The following PRKCH variants were observed in gnomAD, a reference collection of about 807,000 sequenced individuals.
The protein encoded by PRKCH is protein kinase C eta type.
A neutral mutation model predicts 82.5 loss-of-function variants in PRKCH; 28 were observed. The observed-to-expected ratio is 0.34, with a 90% confidence interval of 0.25 to 0.47. PRKCH has a LOEUF of 0.47. Among genes scored for constraint, PRKCH ranks in the 20% least tolerant of loss-of-function variants. The probability of loss-of-function intolerance (pLI) is 1.00; values close to 1 mark genes in which losing one functional copy is unlikely to be tolerated. For synonymous variants in PRKCH, 322 were observed against 327.4 expected (o/e 0.98, Z 0.18); for missense variants, 705 against 881.8 (o/e 0.80, Z 2.54).
chr14:61,237,957 A>G (rs1468500877), intron 1 of PRKCH, among the ~76,000 whole-genome samples: 1 of 152,250 alleles, frequency 6.6e-6, no homozygotes, highest in Non-Finnish European at 1.5e-5. Context: ...TATTGGTTAC[A>G]GCTTGGCACT....
intron 1 of PRKCH, among the ~76,000 whole-genome samples, chr14:61,220,128 T>C (rs1594858416): frequency 6.6e-6 from 1 of 152,192 alleles, no homozygotes; most frequent in South Asian, 2.1e-4. Flanking sequence ...CCATCCCTGC[T>C]TTCTCCCAAA....
intron 1 of PRKCH, among the ~76,000 whole-genome samples, chr14:61,202,368 A>G (rs1236299555): frequency 6.6e-6 from 1 of 152,196 alleles, no homozygotes; most frequent in Non-Finnish European, 1.5e-5. Context: ...AGGGCACAAA[A>G]AGCCTCAAGG....
intron 2 of PRKCH, among the ~76,000 whole-genome samples, chr14:61,416,938 T>G (rs1458746440): frequency 1.3e-5 from 2 of 152,170 alleles, no homozygotes; most frequent in African/African-American, 4.8e-5. Context: ...AGAACTTAAA[T>G]TGTGGGGTAC....
In PRKCH at chr14:61,287,063, A is replaced by C. The variant is rs183310614; in HGVS notation, c.-19+99395A>C. Among the ~76,000 whole-genome samples the C allele has an allele frequency of 1.8e-3, 272 of 151,054 alleles. 1 individual carries two copies. Among genetic ancestry groups the C allele is most frequent in the African/African-American group, 6.4e-3 (262 of 41,108 alleles). ...ACTACTAAAAATACAAAAATTAGCCAGGTGTGGTGGCATGCACCTGTGATC... is the reference window on the plus strand; with the variant it reads ...ACTACTAAAAATACAAAAATTAGCCCGGTGTGGTGGCATGCACCTGTGATC... On this transcript the variant is annotated intron_variant, in intron 1 of 3. Transcript: ENST00000555185.
chr14:61,325,879 A>C (rs2045689001), intron 1 of PRKCH, among the ~76,000 whole-genome samples: 1 of 152,222 alleles, frequency 6.6e-6, no homozygotes, highest in South Asian at 2.1e-4. Flanking sequence ...ATGAGTCATT[A>C]AGGAAATGCA....
chr14:61,253,043 C>T (rs944927320), intron 1 of PRKCH, among the ~76,000 whole-genome samples: 1 of 152,296 alleles, frequency 6.6e-6, no homozygotes, highest in Non-Finnish European at 1.5e-5. Context: ...TACAGTGGTG[C>T]TTTTGGAGGA....
At chr14:61,477,395 C>T (rs1174892877) in intron 9 of PRKCH, 1 of 152,320 alleles carries the variant, frequency 6.6e-6, no homozygotes, top group East Asian at 1.9e-4. Flanking sequence ...GTGGCTATTT[C>T]CTACTGCCTT....
chr14:61,263,559 C>G (rs1346003474), intron 1 of PRKCH, among the ~76,000 whole-genome samples: 2 of 152,134 alleles, frequency 1.3e-5, no homozygotes, highest in African/African-American at 4.8e-5. Flanking sequence ...ATCTCTTAAC[C>G]AATATACTAC....
intron 2 of PRKCH, among the ~76,000 whole-genome samples, chr14:61,441,332 G>A (rs543159494): frequency 1.1e-4 from 16 of 152,290 alleles, no homozygotes; most frequent in Admixed American, 4.6e-4. Context: ...GAACCCTGAG[G>A]CTTAGCAAGA....
intron 1 of PRKCH, among the ~76,000 whole-genome samples, chr14:61,270,871 G>A (rs2045145997): frequency 6.6e-6 from 1 of 152,222 alleles, no homozygotes; most frequent in Non-Finnish European, 1.5e-5. Context: ...CTAGTCAGGA[G>A]GCTGAGGTGG....
chr14:61,385,053 G>A (rs1156984284), intron 1 of PRKCH, among the ~76,000 whole-genome samples: 3 of 151,914 alleles, frequency 2.0e-5, no homozygotes, highest in Non-Finnish European at 4.4e-5. Flanking sequence ...CTGTTATCTG[G>A]GTTTCAACAA....
intron 10 of PRKCH, among the ~76,000 whole-genome samples, chr14:61,505,395 C>CTTTTTCTTTTTTTTTTT (rs1887099057): frequency 1.6e-4 from 9 of 55,768 alleles, no homozygotes; most frequent in African/African-American, 4.5e-4. Context: ...CTTTTCTTTT[C>CTTTTTCTTTTTTTTTTT]TTTTTTTTTT....
At chr14:61,505,511 G>A (rs1325257969) in intron 10 of PRKCH, among the ~76,000 whole-genome samples, 1 of 136,952 alleles carries the variant, frequency 7.3e-6, no homozygotes, top group Non-Finnish European at 1.5e-5. Context: ...GAGTAGCTGG[G>A]ATTACAGGCA....
chr14:61,328,243 C>G (rs1423300198), intron 1 of PRKCH, among the ~76,000 whole-genome samples: 1 of 110,500 alleles, frequency 9.0e-6, no homozygotes, highest in Non-Finnish European at 1.7e-5. Flanking sequence ...GGCAACAGAG[C>G]GAGACTCCGT....
intron 1 of PRKCH, among the ~76,000 whole-genome samples, chr14:61,350,289 T>A (rs1479244601): frequency 6.6e-6 from 1 of 152,224 alleles, no homozygotes; most frequent in East Asian, 1.9e-4. Flanking sequence ...GTTAGTTACC[T>A]GTCCAAAGCC....
intron 1 of PRKCH, among the ~76,000 whole-genome samples, chr14:61,265,526 C>G (rs1029500007): frequency 2.0e-5 from 3 of 152,118 alleles, no homozygotes; most frequent in Non-Finnish European, 2.9e-5. Context: ...AGACACAGAA[C>G]ATTAAATAAC....
At chr14:61,335,684 A>G (rs1394422845) in intron 1 of PRKCH, among the ~76,000 whole-genome samples, 2 of 152,190 alleles carry the variant, frequency 1.3e-5, no homozygotes, top group Non-Finnish European at 2.9e-5. Flanking sequence ...ACTCTGGATA[A>G]TTTTGCCTAT....
At chr14:61,539,463 G>A (rs1372199005) in intron 12 of PRKCH, among the ~76,000 whole-genome samples, 1 of 152,202 alleles carries the variant, frequency 6.6e-6, no homozygotes, top group Non-Finnish European at 1.5e-5. Flanking sequence ...TGTGTAGTGT[G>A]TCTCTGGAGA....
At chr14:61,515,998 C>G (rs1312977509) in intron 10 of PRKCH, among the ~76,000 whole-genome samples, 2 of 152,082 alleles carry the variant, frequency 1.3e-5, no homozygotes, top group African/African-American at 4.8e-5. Context: ...AGGAAATAAG[C>G]CCAGAGTGGT....
Sources: allele counts gnomAD v4.1 joint callset (sites outside exome capture counted in the v4.1 genomes callset), GRCh38; gene constraint gnomAD v4.1.1; transcripts MANE v1.5; gene names NCBI Gene and HGNC (gene_info 2026-07-23, HGNC 2026-07-21).